The following IGSF10 variants were observed in gnomAD, a reference collection of about 807,000 sequenced individuals.
The protein encoded by IGSF10 is calvaria mechanical force protein 608.
In IGSF10, 126 loss-of-function variants were observed where a neutral mutation model predicts 128.2. That is an observed-to-expected ratio of 0.98 (90% CI 0.85 to 1.14). The LOEUF is 1.14. IGSF10 is among the 50% of genes most tolerant of loss of function. IGSF10 has a pLI of 0.00. For synonymous variants in IGSF10, 1,185 were observed against 1,146.2 expected (o/e 1.03, Z -0.68); for missense variants, 3,295 against 3,149.8 (o/e 1.05, Z -1.10).
the IGSF10 span, among the ~76,000 whole-genome samples, chr3:151,479,910 A>G: frequency 6.6e-6 from 1 of 152,176 alleles, no homozygotes. Context: ...ATGAAGAGAC[A>G]CAGTCTTTGC....
chr3:151,528,470 G>A, the IGSF10 span, among the ~76,000 whole-genome samples: 4 of 152,208 alleles, frequency 2.6e-5, no homozygotes, highest in Admixed American at 2.6e-4. Context: ...TGATGCAGAA[G>A]GCAGGTGATT....
chr3:151,447,128 T>G lies in IGSF10; in HGVS notation c.2853A>C (p.Thr951=). The change falls in exon 6 of 8, where the codon ACA becomes ACC. Residue 951 remains threonine (T), a synonymous_variant. Coordinates refer to ENST00000282466, the MANE Select transcript of IGSF10 (RefSeq NM_178822.5). ...NKLLLESVNT[T]NSHQTSVREV... ...CTCTTACAGATGTCTGATGACTATT[T>G]GTGGTATTTACTGACTCTAATAATA... The G allele has an allele frequency of 6.8e-6, 11 of 1,614,230 alleles. No homozygotes were observed. Among genetic ancestry groups the G allele is most frequent in the Non-Finnish European group, 9.3e-6 (11 of 1,180,026 alleles).
the IGSF10 span, among the ~76,000 whole-genome samples, chr3:151,593,290 T>A: frequency 1.3e-5 from 2 of 152,100 alleles, no homozygotes; most frequent in African/African-American, 4.8e-5. Context: ...TTTTTGTATT[T>A]TTTGTAGAGA....
At chr3:151,587,686 A>C in the IGSF10 span, among the ~76,000 whole-genome samples, 1 of 152,200 alleles carries the variant, frequency 6.6e-6, no homozygotes, top group Non-Finnish European at 1.5e-5. Flanking sequence ...TCTCATTTTG[A>C]ATTGTAACTC....
In IGSF10 at chr3:151,460,946, C is replaced by G. The variant is rs1348439029; in HGVS notation, c.-89G>C. 1.0e-6 allele frequency: 1 copy of G among 985,308 alleles called. No homozygotes were observed. Among genetic ancestry groups the G allele is most frequent in the Admixed American group, 6.1e-5 (1 of 16,270 alleles). The allele number at this position is 985,308 out of a possible 1,614,324, so 61.0% of individuals were successfully genotyped here. ...GGGAAGGATTGGCCGAGGCGCTCAC[C>G]TGTTTGCCCTGGTGACCAATGGGCT... On this transcript the variant is annotated splice_region_variant and 5_prime_UTR_variant, in exon 1 of 8. Coordinates refer to ENST00000282466, the MANE Select transcript of IGSF10 (RefSeq NM_178822.5).
In IGSF10 at chr3:151,458,179, G is replaced by A. The variant is rs535533882; in HGVS notation, c.194+337C>T. On this transcript the variant is annotated intron_variant, in intron 3 of 7. Transcript: ENST00000282466. ...ATAGGCAGACACTTCCAGTTACCCT[G>A]TCATCTCTTATGATGAATGATCATA... 7.9e-5 allele frequency among the ~76,000 whole-genome samples: 12 copies of A among 152,062 alleles called. No homozygotes were observed. The South Asian group carries it at 2.5e-3, about 32-fold the overall frequency.
In IGSF10 at chr3:151,442,792, A is replaced by T. The variant is rs554442778; in HGVS notation, c.5963+192T>A. The stretch of plus-strand genomic sequence containing the variant: ...AAGAAGTTGACCCTTTGAGTTAAGC[A>T]TGTGAAAAGAATGGTTTTTGTATTC... On this transcript the variant is annotated intron_variant, in intron 7 of 7. Transcript: ENST00000282466. Among the ~76,000 whole-genome samples the T allele has an allele frequency of 1.4e-4, 21 of 152,278 alleles. No homozygotes were observed. In the South Asian group the frequency reaches 2.7e-3, roughly 20 times the overall value.
chr3:151,564,741 G>A, the IGSF10 span, among the ~76,000 whole-genome samples: 1 of 152,146 alleles, frequency 6.6e-6, no homozygotes, highest in Non-Finnish European at 1.5e-5. Flanking sequence ...CTTACTGACT[G>A]AGCTTTAGCA....
Position 151,443,715 on chromosome 3 carries a change from A to G in IGSF10, c.5232T>C (p.Pro1744=). 1 of 1,614,148 alleles carries G rather than the reference A, an allele frequency of 6.2e-7. No homozygotes were observed. The highest frequency in any genetic ancestry group is 8.5e-7 in the Non-Finnish European group (1 of 1,180,024). Residue 1744 remains proline, a synonymous_variant, in exon 7 of 8, where the codon CCT becomes CCC. Transcript: ENST00000282466. ...TGGTACGTCTCTCCAGGATCCTGGGAGGATAGGAAACCACAGACAAGGTGA... is the reference window on the plus strand; with the variant it reads ...TGGTACGTCTCTCCAGGATCCTGGGGGGATAGGAAACCACAGACAAGGTGA... ...LHVTLSVVSY[P]PRILERRTKE... is the part of the protein sequence containing the mutation.
chr3:151,435,189 GGAGC>G (rs71797893), downstream of IGSF10: 19,560 of 151,612 alleles, frequency 0.13, 1,598 homozygotes, highest in East Asian at 0.4. Context: ...AGAATAAGAT[GGAGC>G]GAGACCCCAG....
chr3:151,609,160 G>A, the IGSF10 span, among the ~76,000 whole-genome samples: 3 of 152,270 alleles, frequency 2.0e-5, no homozygotes, highest in South Asian at 6.2e-4. Context: ...AAGGGGAGGA[G>A]ATGTTTCCAG....
downstream of IGSF10, chr3:151,432,941 CAAAA>C (rs35536198): frequency 1.2e-4 from 56 of 468,504 alleles, no homozygotes; most frequent in South Asian, 1.9e-4. Flanking sequence ...CTACATCTCA[CAAAA>C]AAAAAAAAAG....
chr3:151,436,408 C>T lies in IGSF10; in HGVS notation c.*281G>A, dbSNP rs878996934. The T allele has an allele frequency of 5.4e-5, 14 of 257,442 alleles. No homozygotes were observed. The highest frequency in any genetic ancestry group is 2.9e-4 in the South Asian group (4 of 13,880). The allele number at this position is 257,442 out of a possible 1,614,324, so 15.9% of individuals were successfully genotyped here. A position where few individuals can be genotyped will look rare whatever the true frequency, so the allele number is the denominator to read the frequency against. On this transcript the variant is annotated 3_prime_UTR_variant, in exon 8 of 8. Transcript: ENST00000282466. ...TACTGAAAAATTCAGGTACATTAGC[C>T]ATTTGTTATTTTATAGTGAACCGTT...
At chr3:151,619,246 T>C in the IGSF10 span, among the ~76,000 whole-genome samples, 5 of 152,152 alleles carry the variant, frequency 3.3e-5, no homozygotes, top group Non-Finnish European at 7.4e-5. Context: ...GCTTATCCAT[T>C]GGCCTCCCCC....
At chr3:151,467,887 AAAAAAG>A in the IGSF10 span, among the ~76,000 whole-genome samples, 49 of 149,722 alleles carry the variant, frequency 3.3e-4, no homozygotes, top group Non-Finnish European at 4.6e-4. Flanking sequence ...ATCTCAAAAA[AAAAAAG>A]AAAAAAGAAA....
chr3:151,439,787 A>C (rs1382870956), intron 7 of IGSF10, among the ~76,000 whole-genome samples: 1 of 152,210 alleles, frequency 6.6e-6, no homozygotes, highest in Non-Finnish European at 1.5e-5. Flanking sequence ...ATCATTACCA[A>C]ATTTAACCAC....
At chr3:151,511,516 A>G in the IGSF10 span, among the ~76,000 whole-genome samples, 1 of 152,328 alleles carries the variant, frequency 6.6e-6, no homozygotes, top group Middle Eastern at 3.4e-3. Flanking sequence ...AAAACATGCC[A>G]AATTGTAAAG....
the IGSF10 span, among the ~76,000 whole-genome samples, chr3:151,520,429 C>T: frequency 4.6e-5 from 7 of 151,648 alleles, no homozygotes; most frequent in Non-Finnish European, 8.9e-5. Context: ...AAATTTTATT[C>T]CTCTTATGAA....
At chr3:151,580,919 C>T in the IGSF10 span, among the ~76,000 whole-genome samples, 3 of 151,796 alleles carry the variant, frequency 2.0e-5, no homozygotes, top group Non-Finnish European at 4.4e-5. Context: ...TCTCATGACA[C>T]CCAAATTCCA....
Sources: gnomAD v4.1 joint callset for allele counts (sites outside exome capture counted in the v4.1 genomes callset) on GRCh38, gnomAD v4.1.1 for gene constraint, MANE v1.5 for transcripts, NCBI Gene and HGNC (gene_info 2026-07-23, HGNC 2026-07-21) for gene names.